The following GRIP1 variants were observed in gnomAD, a reference collection of about 807,000 sequenced individuals.
The protein encoded by GRIP1 is glutamate receptor-interacting protein 1.
In GRIP1, 45 loss-of-function variants were observed where a neutral mutation model predicts 129.9. The observed-to-expected ratio is 0.35, with a 90% CI of 0.27 to 0.44. GRIP1 has a LOEUF of 0.44. Ranked by LOEUF, GRIP1 falls within the 20% of genes least tolerant of loss-of-function variation. The pLI is 1.00. For synonymous variants in GRIP1, 530 were observed against 520.8 expected, an observed-to-expected ratio of 1.02 and a Z score of -0.24; for missense variants, 1,196 against 1,396.8, an observed-to-expected ratio of 0.86 and a Z score of 2.29.
intron 2 of GRIP1, among the ~76,000 whole-genome samples, chr12:66,572,186 A>G (rs2139512128): frequency 6.6e-6 from 1 of 152,280 alleles, no homozygotes; most frequent in South Asian, 2.1e-4. Flanking sequence ...AGTGAATCAA[A>G]CAGGTAAAAA....
At chr12:66,655,198 T>A (rs2033069899) in intron 1 of GRIP1, among the ~76,000 whole-genome samples, 1 of 152,236 alleles carries the variant, frequency 6.6e-6, no homozygotes, top group African/African-American at 2.4e-5. Context: ...ATGGGGGTTG[T>A]TATCCTCCTG....
At position 66,531,251 on chromosome 12, in the gene GRIP1, AAATATATATAT is replaced by A. The variant is rs1383134664; in HGVS notation, c.419-1348_419-1338del. 1.3e-4 allele frequency among the ~76,000 whole-genome samples: 5 copies of A among 39,782 alleles called. No individual in the cohort carries two copies. The East Asian group carries it at 2.9e-3, about 23-fold the overall frequency. 26.1% of individuals were successfully genotyped at this position (39,782 alleles called of 152,430 possible). On this transcript the variant is annotated intron_variant, in intron 4 of 24. Coordinates refer to ENST00000359742, the MANE Select transcript of GRIP1 (RefSeq NM_001366722.1). Reference sequence around the variant, plus strand: ...ACTCTGTCTCAAAAAAAAAAAAAAAAAATATATATATATATATATATATATATATATATATA... The same window carrying A: ...ACTCTGTCTCAAAAAAAAAAAAAAAAATATATATATATATATATATATATA...
chr12:66,668,787 T>A lies in GRIP1; in HGVS notation c.55+10063A>T, dbSNP rs929305715. Among the ~76,000 whole-genome samples, 3 of 151,102 alleles carry A rather than the reference T, an allele frequency of 2.0e-5. No individual in the cohort carries two copies. The East Asian group carries it at 5.9e-4, about 30-fold the overall frequency. On this transcript the variant is annotated intron_variant, in intron 1 of 24. Transcript: ENST00000359742. ...CACTATCAAAAAGAAAAAAAAATAATAATAATACCAGCATGGTGGGGTCCT... is the reference window on the plus strand; with the variant it reads ...CACTATCAAAAAGAAAAAAAAATAAAAATAATACCAGCATGGTGGGGTCCT...
rs941643671 is a variant in GRIP1, at chr12:66,910,237, T to C, written c.58+158813A>G. On this transcript the variant is annotated intron_variant, in intron 1 of 1. Coordinates refer to the GRIP1 transcript ENST00000643019. ...GCCAGTTTAATGACTACTTCATCACTAGCCTTTCTCCCCAGTTGTCATTCT... is the reference window on the plus strand; with the variant it reads ...GCCAGTTTAATGACTACTTCATCACCAGCCTTTCTCCCCAGTTGTCATTCT... 5.3e-5 allele frequency among the ~76,000 whole-genome samples: 8 copies of C among 152,218 alleles called. 1 individual carries two copies. The highest frequency in any genetic ancestry group is 8.8e-5 in the Non-Finnish European group (6 of 68,018).
At chr12:66,419,501 C>G (rs1359967324) in intron 15 of GRIP1, among the ~76,000 whole-genome samples, 2 of 152,108 alleles carry the variant, frequency 1.3e-5, no homozygotes, top group African/African-American at 4.8e-5. Flanking sequence ...GATGGGTACC[C>G]TATTTTCCAT....
At chr12:66,738,166 A>G (rs1417514697) in intron 1 of GRIP1, among the ~76,000 whole-genome samples, 2 of 152,098 alleles carry the variant, frequency 1.3e-5, no homozygotes, top group Admixed American at 6.5e-5. Flanking sequence ...CAAGGCAGGC[A>G]GAGGTAAGAA....
At chr12:66,364,044 A>G (rs894096397) in intron 23 of GRIP1, among the ~76,000 whole-genome samples, 1 of 152,032 alleles carries the variant, frequency 6.6e-6, no homozygotes, top group Non-Finnish European at 1.5e-5. Context: ...TGAGGTCAGG[A>G]ATTCAAGACC....
chr12:66,413,553 T>C (rs976923626), intron 15 of GRIP1, among the ~76,000 whole-genome samples: 6 of 152,166 alleles, frequency 3.9e-5, no homozygotes, highest in African/African-American at 9.7e-5. Context: ...CTGAAACTAT[T>C]CCAAACAATT....
At chr12:66,833,945 G>A (rs2039563624) in intron 1 of GRIP1, among the ~76,000 whole-genome samples, 1 of 152,126 alleles carries the variant, frequency 6.6e-6, no homozygotes, top group Non-Finnish European at 1.5e-5. Context: ...CAAGGCGGAT[G>A]GCTTACTTGA....
chr12:66,976,117 A>T (rs1018452711), intron 1 of GRIP1, among the ~76,000 whole-genome samples: 2 of 152,140 alleles, frequency 1.3e-5, no homozygotes, highest in African/African-American at 4.8e-5. Context: ...TTGGTCACAG[A>T]GTATGTAGAT....
At chr12:67,012,440 T>G (rs943252682) in intron 1 of GRIP1, among the ~76,000 whole-genome samples, 1 of 152,162 alleles carries the variant, frequency 6.6e-6, no homozygotes, top group Admixed American at 6.6e-5. Flanking sequence ...AACTTTTGCA[T>G]TGTTAGGAGG....
At chr12:66,676,413 T>C (rs1047423653) in intron 1 of GRIP1, among the ~76,000 whole-genome samples, 3 of 152,134 alleles carry the variant, frequency 2.0e-5, no homozygotes, top group Non-Finnish European at 4.4e-5. Flanking sequence ...GCAAGGTAGT[T>C]TTGGAGTCAT....
chr12:66,530,794 T>C (rs1027037464), intron 4 of GRIP1, among the ~76,000 whole-genome samples: 3 of 152,236 alleles, frequency 2.0e-5, no homozygotes, highest in Admixed American at 2.0e-4. Flanking sequence ...GAAATGTTTT[T>C]ATTCATAGAG....
At chr12:66,542,440 T>C (rs2061814103) in intron 2 of GRIP1, among the ~76,000 whole-genome samples, 1 of 152,196 alleles carries the variant, frequency 6.6e-6, no homozygotes, top group African/African-American at 2.4e-5. Context: ...AGAAAAATAT[T>C]ATTGACTTTA....
At chr12:66,800,400 G>A (rs779587747) in intron 1 of GRIP1, among the ~76,000 whole-genome samples, 9 of 151,800 alleles carry the variant, frequency 5.9e-5, no homozygotes, top group Non-Finnish European at 1.2e-4. Flanking sequence ...CTGTACATGA[G>A]AGTGGCTCAC....
At chr12:66,528,134 GTTT>G (rs59443918) in intron 5 of GRIP1, among the ~76,000 whole-genome samples, 28 of 99,240 alleles carry the variant, frequency 2.8e-4, no homozygotes, top group Admixed American at 5.4e-4. Context: ...GAATTAGTAG[GTTT>G]TTTTTTTTTT....
At chr12:66,579,808 A>C (rs2063299522) in intron 2 of GRIP1, among the ~76,000 whole-genome samples, 1 of 151,558 alleles carries the variant, frequency 6.6e-6, no homozygotes, top group East Asian at 1.9e-4. Flanking sequence ...GACGGGGAGA[A>C]TGGAACCAAG....
chr12:66,398,889 G>A (rs1220200156), intron 16 of GRIP1, among the ~76,000 whole-genome samples: 3 of 151,946 alleles, frequency 2.0e-5, no homozygotes, highest in East Asian at 3.9e-4. Flanking sequence ...CTCGCTACTT[G>A]GTTCTTCATT....
intron 1 of GRIP1, among the ~76,000 whole-genome samples, chr12:67,055,973 T>C (rs2043428600): frequency 2.0e-5 from 3 of 152,106 alleles, no homozygotes; most frequent in African/African-American, 7.2e-5. Flanking sequence ...ATGATCTGTC[T>C]AAGGGGGAGC....
Sources: allele counts gnomAD v4.1 joint callset (sites outside exome capture counted in the v4.1 genomes callset), GRCh38; gene constraint gnomAD v4.1.1; transcripts MANE v1.5; gene names NCBI Gene and HGNC (gene_info 2026-07-23, HGNC 2026-07-21).